Variants in SH2D1B observed in about 807,000 individuals in gnomAD.
SH2D1B encodes SH2 domain containing 1B, also known as SH2 domain-containing protein 1B.
In SH2D1B, 11 loss-of-function variants were observed where a neutral mutation model predicts 16.3. The observed-to-expected ratio is 0.67, with a 90% CI of 0.42 to 1.11. The LOEUF is 1.11. Ranked by LOEUF, SH2D1B falls within the 50% of genes most tolerant of loss-of-function variation. The pLI is 0.00. For synonymous variants in SH2D1B, 55 were observed against 56.1 expected, an observed-to-expected ratio of 0.98 and a Z score of 0.09; for missense variants, 123 against 153.1, an observed-to-expected ratio of 0.80 and a Z score of 1.04.
intron 1 of SH2D1B, 109 bp from the exon 2 acceptor site, chr1:162,402,911 C>CT (rs35042480): frequency 0.021 from 18,593 of 885,178 alleles, 159 homozygotes; most frequent in Non-Finnish European, 0.026. Context: ...CCTAAAAAAA[C>CT]TCTTTTTTTT....
intron 3 of SH2D1B, 43 bp downstream of exon 3, chr1:162,398,880 T>C (rs779051956): frequency 1.3e-6 from 2 of 1,576,086 alleles, no homozygotes; most frequent in Non-Finnish European, 8.6e-7. Flanking sequence ...TTGGTGGAAA[T>C]AGGATTAAGA....
At chr1:162,410,785 T>C (rs1648774715) in intron 1 of SH2D1B, among the ~76,000 whole-genome samples, 1 of 149,844 alleles carries the variant, frequency 6.7e-6, no homozygotes, top group Non-Finnish European at 1.5e-5. Context: ...GCCTCCCAAA[T>C]AGCTGGGATT....
rs1422308812 is a variant in SH2D1B at position 162,411,870 on chromosome 1, T to G, written c.134+13A>C. The G allele has an allele frequency of 1.2e-6, 2 of 1,614,038 alleles. No individual in the cohort carries two copies. Among genetic ancestry groups the G allele is most frequent in the Non-Finnish European group, 1.7e-6 (2 of 1,180,024 alleles). On this transcript the variant is annotated intron_variant, in intron 1 of 3. Coordinates refer to ENST00000367929, the MANE Select transcript of SH2D1B (RefSeq NM_053282.5). ...CATACGATGTCAGATGTGTGCAAGA[T>G]GAGGCTACTCACGAGACACAGAGGC...
At chr1:162,405,706 C>T (rs1477368127) in intron 1 of SH2D1B, among the ~76,000 whole-genome samples, 1 of 152,188 alleles carries the variant, frequency 6.6e-6, no homozygotes, top group Non-Finnish European at 1.5e-5. Flanking sequence ...GAGAAATACA[C>T]TGGACTTATA....
At chr1:162,406,125 G>A (rs1648648738) in intron 1 of SH2D1B, among the ~76,000 whole-genome samples, 1 of 152,202 alleles carries the variant, frequency 6.6e-6, no homozygotes, top group Non-Finnish European at 1.5e-5. Context: ...CCTTATCACT[G>A]TTCCTGATCT....
chr1:162,400,629 C>G (rs905505236), intron 2 of SH2D1B, among the ~76,000 whole-genome samples: 29 of 151,882 alleles, frequency 1.9e-4, no homozygotes, highest in Admixed American at 6.6e-4. Context: ...TCTAATATAA[C>G]CTTTTAGAAA....
chr1:162,409,550 A>G (rs1328999302), intron 1 of SH2D1B, among the ~76,000 whole-genome samples: 2 of 151,912 alleles, frequency 1.3e-5, no homozygotes, highest in African/African-American at 4.8e-5. Flanking sequence ...CCTCCATCCC[A>G]TTTACATGTA....
In SH2D1B at chr1:162,396,207, G is replaced by T. The variant is rs531750930; in HGVS notation, c.*1073C>A. On this transcript the variant is annotated 3_prime_UTR_variant, in exon 4 of 4. Transcript: ENST00000367929. ...AAACTCTGAAGATAAGTCCAGTGGG[G>T]TGAAATACATTACTACAATTTGATG... is the stretch of plus-strand genomic sequence containing the variant. 6.6e-6 allele frequency: 1 copy of T among 152,312 alleles called. No homozygotes were observed. The highest frequency in any genetic ancestry group is 2.1e-4 in the South Asian group (1 of 4,832). 9.4% of individuals were successfully genotyped at this position (152,312 alleles called of 1,614,324 possible). A position where few individuals can be genotyped will look rare whatever the true frequency, so the allele number is the denominator to read the frequency against.
At position 162,396,978 on chromosome 1, in the gene SH2D1B, G is replaced by A; in HGVS notation, c.*302C>T. The A allele has an allele frequency of 5.5e-6, 2 of 361,072 alleles. No homozygotes were observed. Among genetic ancestry groups the A allele is most frequent in the Non-Finnish European group, 1.0e-5 (2 of 190,590 alleles). 22.4% of individuals were successfully genotyped at this position (361,072 alleles called of 1,614,324 possible). A position where few individuals can be genotyped will look rare whatever the true frequency, so the allele number is the denominator to read the frequency against. The stretch of plus-strand genomic sequence containing the variant: ...CTGACTGCATGGTCCAAAGGAGGGT[G>A]TCAACCATGATGTAGGGTGGTACCT... On this transcript the variant is annotated 3_prime_UTR_variant, in exon 4 of 4. Transcript: ENST00000367929.
intron 2 of SH2D1B, among the ~76,000 whole-genome samples, chr1:162,399,444 G>A (rs1380115923): frequency 6.6e-6 from 1 of 152,158 alleles, no homozygotes; most frequent in Admixed American, 6.5e-5. Context: ...GCTATCTTAA[G>A]GGACTATCGG....
chr1:162,398,489 T>C (rs1648431405), intron 3 of SH2D1B, among the ~76,000 whole-genome samples: 1 of 152,204 alleles, frequency 6.6e-6, no homozygotes, highest in African/African-American at 2.4e-5. Context: ...CCTTTAAAAA[T>C]GTATCTGACA....
chr1:162,409,289 C>T (rs1038143924), intron 1 of SH2D1B, among the ~76,000 whole-genome samples: 1 of 152,122 alleles, frequency 6.6e-6, no homozygotes, highest in Admixed American at 6.5e-5. Flanking sequence ...GCCATCATTT[C>T]CCAGCTTCAT....
At chr1:162,403,511 A>AAAAAAAAAAAAAT (rs1648579325) in intron 1 of SH2D1B, among the ~76,000 whole-genome samples, 24 of 42,016 alleles carry the variant, frequency 5.7e-4, no homozygotes, top group Non-Finnish European at 8.8e-4. Flanking sequence ...AAAAAAAAAA[A>AAAAAAAAAAAAAT]ATATATATAT....
chr1:162,400,492 G>T (rs1163239456), intron 2 of SH2D1B, among the ~76,000 whole-genome samples: 2 of 136,240 alleles, frequency 1.5e-5, no homozygotes, highest in African/African-American at 2.7e-5. Context: ...TTTTAGTAGA[G>T]ATGGGGTTTC....
chr1:162,405,171 CTACA>C (rs1648624116), intron 1 of SH2D1B, among the ~76,000 whole-genome samples: 1 of 152,182 alleles, frequency 6.6e-6, no homozygotes, highest in South Asian at 2.1e-4. Flanking sequence ...ATAAAAATGA[CTACA>C]TACTCTATGA....
At chr1:162,405,783 C>T (rs1205045988) in intron 1 of SH2D1B, among the ~76,000 whole-genome samples, 1 of 152,204 alleles carries the variant, frequency 6.6e-6, no homozygotes, top group East Asian at 1.9e-4. Flanking sequence ...AATACAGGAC[C>T]TCTAAGTTTT....
chr1:162,409,530 C>T (rs164137), intron 1 of SH2D1B, among the ~76,000 whole-genome samples: 45,027 of 152,092 alleles, frequency 0.3, 6,891 homozygotes, highest in Middle Eastern at 0.43. Flanking sequence ...TCCTCCCCTT[C>T]CTAAAATGCC....
chr1:162,407,822 G>T (rs183002959), intron 1 of SH2D1B, among the ~76,000 whole-genome samples: 1 of 152,126 alleles, frequency 6.6e-6, no homozygotes, highest in Non-Finnish European at 1.5e-5. Context: ...TCCTCTTACT[G>T]AAATTAACTT....
At chr1:162,407,637 G>A (rs138561138) in intron 1 of SH2D1B, among the ~76,000 whole-genome samples, 10 of 152,328 alleles carry the variant, frequency 6.6e-5, no homozygotes, top group African/African-American at 2.2e-4. Context: ...GTGAAGACAA[G>A]CAGGCTAACA....
Sources: allele counts gnomAD v4.1 joint callset (sites outside exome capture counted in the v4.1 genomes callset), GRCh38; gene constraint gnomAD v4.1.1; transcripts MANE v1.5; gene names NCBI Gene and HGNC (gene_info 2026-07-23, HGNC 2026-07-21).